SEMA5B: variants seen among roughly 807,000 people sequenced by gnomAD.
SEMA5B encodes semaphorin 5B, also known as semaphorin-5B.
In SEMA5B, 66 loss-of-function variants were observed where a neutral mutation model predicts 135.0. That is an observed-to-expected ratio of 0.49 (90% confidence interval 0.40 to 0.60). The LOEUF (loss-of-function observed/expected upper bound fraction) is 0.60, where lower values mean the gene tolerates loss of function less well. Ranked by LOEUF, SEMA5B falls within the 20% of genes least tolerant of loss-of-function variation. SEMA5B has a pLI of 0.00. For synonymous variants in SEMA5B, 690 were observed against 639.5 expected (o/e 1.08, Z -1.19); for missense variants, 1,501 against 1,566.3 (o/e 0.96, Z 0.70).
chr3:122,986,975 T>C (rs1266850311), intron 1 of SEMA5B, among the ~76,000 whole-genome samples: 1 of 149,536 alleles, frequency 6.7e-6, no homozygotes, highest in Non-Finnish European at 1.5e-5. Flanking sequence ...AACAGAGAGG[T>C]GGGGGAAGGG....
At chr3:122,949,805 C>A (rs1047992585) in intron 2 of SEMA5B, among the ~76,000 whole-genome samples, 19 of 152,112 alleles carry the variant, frequency 1.2e-4, no homozygotes, top group Admixed American at 8.5e-4. Flanking sequence ...GGCCCCCCGA[C>A]CCAGGAACTG....
intron 21 of SEMA5B, 178 bp downstream of exon 21, chr3:122,911,313 C>G (rs1293383512): frequency 6.6e-7 from 1 of 1,510,484 alleles, no homozygotes; most frequent in East Asian, 2.5e-5. Flanking sequence ...TGATGGCCTC[C>G]TAGCTGGGGG....
At chr3:122,980,304 T>C (rs11709993) in intron 1 of SEMA5B, among the ~76,000 whole-genome samples, 14,832 of 151,940 alleles carry the variant, frequency 0.098, 763 homozygotes, top group Middle Eastern at 0.16. Context: ...CTACTAAAAA[T>C]ACAAAATTAT....
At chr3:122,926,700 A>G (rs1938652502) in intron 8 of SEMA5B, 23 bp from the exon 9 acceptor site, 1 of 1,607,008 alleles carries the variant, frequency 6.2e-7, no homozygotes, top group Admixed American at 1.7e-5. Flanking sequence ...AAGAGGAACA[A>G]GGGGCAGGGC....
chr3:122,943,704 T>A (rs1939666234), intron 3 of SEMA5B, among the ~76,000 whole-genome samples, 169 bp from the exon 4 acceptor site: 1 of 151,840 alleles, frequency 6.6e-6, no homozygotes, highest in Admixed American at 6.6e-5. Flanking sequence ...GACTTGGGAG[T>A]GGGTGTTGTA....
In SEMA5B at chr3:122,923,678, C is replaced by T. The variant is rs777855447; in HGVS notation, c.1211G>A (p.Arg404His). 39 of 1,613,826 alleles carry T rather than the reference C, an allele frequency of 2.4e-5. No homozygotes were observed. The highest frequency in any genetic ancestry group is 6.6e-5 in the South Asian group (6 of 91,056). The change falls in exon 10 of 23, where the codon CGC becomes CAC. Residue 404 changes from arginine to histidine, a missense_variant. Coordinates refer to ENST00000357599, the MANE Select transcript of SEMA5B (RefSeq NM_001031702.4). ...AISQAFNGPFRYQENPRAAWL... is the reference protein window; with the variant it reads ...AISQAFNGPFHYQENPRAAWL... ...GGCAGCCCTGGGGTTCTCCTGGTAG[C>T]GAAATGGGCCATTGAAAGCCTGGGA...
intron 1 of SEMA5B, among the ~76,000 whole-genome samples, chr3:122,980,282 G>A (rs1184630926): frequency 6.6e-6 from 1 of 152,220 alleles, no homozygotes; most frequent in East Asian, 1.9e-4. Context: ...TCAACATGGA[G>A]AAACCCTGTC....
intron 1 of SEMA5B, among the ~76,000 whole-genome samples, chr3:122,974,666 A>G (rs1483996424): frequency 6.6e-6 from 1 of 151,872 alleles, no homozygotes; most frequent in Non-Finnish European, 1.5e-5. Context: ...TGGGAAGAGA[A>G]GGGGAGGGGG....
At chr3:123,008,579 T>C (rs940000212) in intron 1 of SEMA5B, among the ~76,000 whole-genome samples, 1 of 150,920 alleles carries the variant, frequency 6.6e-6, no homozygotes, top group African/African-American at 2.4e-5. Flanking sequence ...TGGAGGAGAG[T>C]CAGGAGGAAG....
chr3:123,015,087 G>A lies in SEMA5B; in HGVS notation c.-39+12377C>T, dbSNP rs115218420. ...CACCAAAGAATGCCAGCAAACCACC[G>A]GAAGCCAGGAGGGAAGCACGGAGCA... On this transcript the variant is annotated intron_variant, in intron 1 of 22. Transcript: ENST00000357599. 7.0e-3 allele frequency among the ~76,000 whole-genome samples: 1,067 copies of A among 152,288 alleles called. 11 individuals carry two copies. Among genetic ancestry groups the A allele is most frequent in the African/African-American group, 0.022 (932 of 41,546 alleles).
At chr3:123,009,155 A>G (rs73859424) in intron 1 of SEMA5B, among the ~76,000 whole-genome samples, 2,036 of 152,264 alleles carry the variant, frequency 0.013, 49 homozygotes, top group African/African-American at 0.045. Context: ...TCAGCCTGAG[A>G]TGAAAGGGAG....
At chr3:123,010,778 C>G (rs1942420696) in intron 1 of SEMA5B, among the ~76,000 whole-genome samples, 1 of 138,142 alleles carries the variant, frequency 7.2e-6, no homozygotes, top group African/African-American at 2.7e-5. Flanking sequence ...CCACTGCACT[C>G]TGGCCTGGTG....
intron 1 of SEMA5B, among the ~76,000 whole-genome samples, chr3:123,017,681 G>A (rs1315894397): frequency 2.6e-5 from 4 of 152,184 alleles, no homozygotes; most frequent in Admixed American, 2.6e-4. Flanking sequence ...GACGAGGCAG[G>A]TGTTTCACTT....
chr3:123,005,928 C>A (rs943883954), intron 1 of SEMA5B, among the ~76,000 whole-genome samples: 2 of 152,238 alleles, frequency 1.3e-5, no homozygotes, highest in Non-Finnish European at 2.9e-5. Context: ...CCAGAAGGCT[C>A]TTCTCATTCT....
At position 122,922,422 on chromosome 3, in the gene SEMA5B, G is replaced by A; in HGVS notation, c.1298C>T (p.Pro433Leu). Reference protein sequence around the residue: ...FQCGTLPETGPNENLTERSLQ... With the variant: ...FQCGTLPETGLNENLTERSLQ... ...GCTGCGCTCCGTCAGGTTCTCGTTG[G>A]GACCGGTCTCAGGCAGGGTGCCACA... Residue 433 changes from proline to leucine, a missense_variant, in exon 11 of 23, where the codon CCC becomes CTC. Pro to Leu is a moderately conservative substitution (Grantham distance 98, BLOSUM62 -3). Coordinates refer to ENST00000357599, the MANE Select transcript of SEMA5B (RefSeq NM_001031702.4). 5.0e-6 allele frequency: 8 copies of A among 1,608,224 alleles called. No individual in the cohort carries two copies. Among genetic ancestry groups the A allele is most frequent in the Non-Finnish European group, 6.8e-6 (8 of 1,177,986 alleles).
intron 14 of SEMA5B, among the ~76,000 whole-genome samples, chr3:122,915,203 G>A (rs945719383): frequency 2.0e-5 from 3 of 152,204 alleles, no homozygotes; most frequent in African/African-American, 7.2e-5. Context: ...TGCCTGCCCA[G>A]CATTCCACTT....
chr3:123,014,442 G>A (rs1002500896), intron 1 of SEMA5B, among the ~76,000 whole-genome samples: 1 of 152,216 alleles, frequency 6.6e-6, no homozygotes, highest in African/African-American at 2.4e-5. Context: ...CATCCGACAA[G>A]CTCTTCATGA....
intron 3 of SEMA5B, among the ~76,000 whole-genome samples, chr3:122,944,309 G>A (rs1434512657): frequency 6.6e-6 from 1 of 152,124 alleles, no homozygotes; most frequent in Admixed American, 6.6e-5. Context: ...GTTCTCCCTT[G>A]ATGGAACAAT....
intron 12 of SEMA5B, among the ~76,000 whole-genome samples, chr3:122,920,908 A>G (rs1938313844): frequency 6.6e-6 from 1 of 152,184 alleles, no homozygotes; most frequent in Non-Finnish European, 1.5e-5. Flanking sequence ...TGTCCTGAAC[A>G]TGGTATGTCT....
Sources: gnomAD v4.1 joint callset for allele counts (sites outside exome capture counted in the v4.1 genomes callset) on GRCh38, gnomAD v4.1.1 for gene constraint, MANE v1.5 for transcripts, NCBI Gene and HGNC (gene_info 2026-07-23, HGNC 2026-07-21) for gene names.